LARP6: variants seen among roughly 807,000 people sequenced by gnomAD.
LARP6 encodes La ribonucleoprotein 6, translational regulator.
In LARP6, 18 loss-of-function variants were observed where a neutral mutation model predicts 32.8. The ratio of observed to expected loss-of-function variants is 0.55; its 90% CI spans 0.38 to 0.81. The LOEUF is 0.81. Ranked by LOEUF, LARP6 falls within the 40% of genes least tolerant of loss-of-function variation. The pLI is 0.00. For synonymous variants in LARP6, 289 were observed against 267.2 expected (o/e 1.08, Z -0.80); for missense variants, 598 against 663.1 (o/e 0.90, Z 1.08).
At chr15:70,834,081 CCT>C (rs2032104791) in intron 2 of LARP6, among the ~76,000 whole-genome samples, 1 of 152,120 alleles carries the variant, frequency 6.6e-6, no homozygotes, top group South Asian at 2.1e-4. Flanking sequence ...GCGAGATCCC[CCT>C]GAGTCCTCTG....
Position 70,832,594 on chromosome 15 carries a change from C to G in LARP6, c.934G>C (p.Ala312Pro), listed in dbSNP as rs972195070. ...AGGGACTTGTTCAGGTGGATGCTCG[C>G]AGTGGGCTCCTCGTCATGATTTTTG... is the stretch of plus-strand genomic sequence containing the variant. ...KDKNHDEEPT[A>P]SIHLNKSLNK... Residue 312 changes from alanine (A) to proline (P), a missense_variant, in exon 3 of 3, where the codon GCG (alanine) becomes CCG (proline). By Grantham distance (27) the Ala-to-Pro change is conservative (BLOSUM62 -1). Coordinates refer to ENST00000299213, the MANE Select transcript of LARP6 (RefSeq NM_018357.4). 35 of 1,597,360 alleles carry G rather than the reference C, an allele frequency of 2.2e-5. No homozygotes were observed. In the African/African-American group the frequency reaches 4.3e-4, roughly 20 times the overall value.
chr15:70,843,470 A>G (rs1482686186), intron 1 of LARP6, among the ~76,000 whole-genome samples: 1 of 152,204 alleles, frequency 6.6e-6, no homozygotes, highest in African/African-American at 2.4e-5. Context: ...TCATAGCTCT[A>G]TAAAATATGC....
chr15:70,832,677 T>C lies in LARP6; in HGVS notation c.851A>G (p.Glu284Gly). The stretch of plus-strand genomic sequence containing the variant: ...ACCAATCAGGACAGCTTTCATGTTC[T>C]CTTTGCCCTGAGATTCTGTGATCAT... ...EFMITESQGK[E>G]NMKAVLIGMK... Residue 284 changes from glutamate (E) to glycine (G), a missense_variant, in exon 3 of 3, where the codon GAG becomes GGG. Transcript: ENST00000299213. 1.2e-6 allele frequency: 2 copies of C among 1,607,674 alleles called. No homozygotes were observed. Among genetic ancestry groups the C allele is most frequent in the Non-Finnish European group, 1.7e-6 (2 of 1,178,204 alleles).
Position 70,840,851 on chromosome 15 carries a change from G to A in LARP6, c.201-4346C>T, listed in dbSNP as rs368007752. On this transcript the variant is annotated intron_variant, in intron 1 of 2. Coordinates refer to ENST00000299213, the MANE Select transcript of LARP6 (RefSeq NM_018357.4). Reference sequence around the variant, plus strand: ...TAGAGCAATAGATGCTATTACAAAAGGTAAACTCATAAACAAATAAAGCAT... The same window carrying A: ...TAGAGCAATAGATGCTATTACAAAAAGTAAACTCATAAACAAATAAAGCAT... 2.0e-4 allele frequency among the ~76,000 whole-genome samples: 30 copies of A among 151,592 alleles called. No individual in the cohort carries two copies. The East Asian group carries it at 3.3e-3, about 17-fold the overall frequency.
chr15:70,839,820 T>C (rs1427729740), intron 1 of LARP6, among the ~76,000 whole-genome samples: 2 of 152,338 alleles, frequency 1.3e-5, no homozygotes, highest in East Asian at 1.9e-4. Flanking sequence ...TGAAAATCTC[T>C]TGGCCCTGTC....
intron 1 of LARP6, among the ~76,000 whole-genome samples, chr15:70,845,159 T>C (rs2032323506): frequency 6.6e-6 from 1 of 152,176 alleles, no homozygotes; most frequent in African/African-American, 2.4e-5. Flanking sequence ...TACAATTAGT[T>C]CATTAGTTCA....
intron 1 of LARP6, 80 bp downstream of exon 1, chr15:70,853,809 G>C (rs1440024859): frequency 2.9e-6 from 3 of 1,047,240 alleles, no homozygotes; most frequent in Non-Finnish European, 3.6e-6. Context: ...AGGAGTTGTC[G>C]CGCGCAGTCA....
chr15:70,853,222 C>A (rs567273209), intron 1 of LARP6: 9 of 132,448 alleles, frequency 6.8e-5, no homozygotes, highest in Non-Finnish European at 9.7e-5. Flanking sequence ...ACACCCCCCC[C>A]CCGCCCCCCG....
chr15:70,831,985 G>GGT lies in LARP6; in HGVS notation c.*65_*66dup. 1 of 1,086,324 alleles carries GGT rather than the reference G, an allele frequency of 9.2e-7. No homozygotes were observed. The highest frequency in any genetic ancestry group is 2.5e-5 in the East Asian group (1 of 39,248). 67.3% of individuals were successfully genotyped at this position (1,086,324 alleles called of 1,614,324 possible). On this transcript the variant is annotated 3_prime_UTR_variant, in exon 3 of 3. Transcript: ENST00000299213. Reference sequence around the variant, plus strand: ...GAACGAATTCCATTCTGTCATGCCAGGTGTTTGTCAGAACCTTGAAAACGA... The same window carrying GGT: ...GAACGAATTCCATTCTGTCATGCCAGGTGTGTTTGTCAGAACCTTGAAAACGA...
At position 70,837,868 on chromosome 15, in the gene LARP6, G is replaced by A. The variant is rs1296904563; in HGVS notation, c.201-1363C>T. Among the ~76,000 whole-genome samples the A allele has an allele frequency of 2.0e-5, 3 of 152,198 alleles. No homozygotes were observed. The East Asian group carries it at 5.8e-4, about 29-fold the overall frequency. On this transcript the variant is annotated intron_variant, in intron 1 of 2. Coordinates refer to ENST00000299213, the MANE Select transcript of LARP6 (RefSeq NM_018357.4). ...AGACTGAGTATCCCTTATCCAAAAT[G>A]CCTGGGACCAGAAGTGTTTCAGATT...
chr15:70,852,118 T>C (rs564513144), intron 1 of LARP6: 1 of 350,412 alleles, frequency 2.9e-6, no homozygotes, highest in African/African-American at 2.1e-5. Context: ...CATCGGGTGA[T>C]GGCTGCTGCC....
At chr15:70,849,813 G>T (rs554006079) in intron 1 of LARP6, 1 of 152,150 alleles carries the variant, frequency 6.6e-6, no homozygotes, top group African/African-American at 2.4e-5. Flanking sequence ...TATTTAGTGT[G>T]ACTATTATAT....
chr15:70,839,915 G>T (rs76478559), intron 1 of LARP6, among the ~76,000 whole-genome samples: 15 of 152,352 alleles, frequency 9.8e-5, no homozygotes, highest in Non-Finnish European at 1.6e-4. Flanking sequence ...AAGGCCAAGA[G>T]AATTGGCTTG....
At chr15:70,847,441 C>T (rs1375105348) in intron 1 of LARP6, among the ~76,000 whole-genome samples, 1 of 151,852 alleles carries the variant, frequency 6.6e-6, no homozygotes. Context: ...ACTATCTTGG[C>T]TCACTGCAAC....
In LARP6 at chr15:70,837,916, A is replaced by C. The variant is rs537541772; in HGVS notation, c.201-1411T>G. Among the ~76,000 whole-genome samples the C allele has an allele frequency of 4.6e-5, 7 of 152,316 alleles. No individual in the cohort carries two copies. In the South Asian group the frequency reaches 1.5e-3, roughly 32 times the overall value. On this transcript the variant is annotated intron_variant, in intron 1 of 2. Transcript: ENST00000299213. Reference sequence around the variant, plus strand: ...ATTTCCAATTTTTCCAGATTTTGGAATATGTGCATATACGTAATGAGATAT... The same window carrying C: ...ATTTCCAATTTTTCCAGATTTTGGACTATGTGCATATACGTAATGAGATAT...
intron 1 of LARP6, among the ~76,000 whole-genome samples, chr15:70,839,838 C>A (rs1320735235): frequency 6.6e-6 from 1 of 152,208 alleles, no homozygotes; most frequent in South Asian, 2.1e-4. Context: ...GTCCCTTCCC[C>A]TTTTGTCTGC....
chr15:70,853,934 G>T lies in LARP6; in HGVS notation c.155C>A (p.Pro52His). Residue 52 changes from proline (P) to histidine (H), a missense_variant, in exon 1 of 3, where the codon CCC becomes CAC. By Grantham distance (77) the Pro-to-His change is moderately conservative. This residue lies in a region of LARP6 where 161 missense variants were observed against 148.6 expected (regional missense o/e 1.08). Coordinates refer to ENST00000299213, the MANE Select transcript of LARP6 (RefSeq NM_018357.4). ...CTCCTCGCTCGCGCTGCCCCAGCCGGGGCTGAGGTACCGGGCCGGGTCCCC... is the reference window on the plus strand; with the variant it reads ...CTCCTCGCTCGCGCTGCCCCAGCCGTGGCTGAGGTACCGGGCCGGGTCCCC... ...GAGDPARYLS[P>H]GWGSASEEEP... is the part of the protein sequence containing the mutation. 2 of 1,431,536 alleles carry T rather than the reference G, an allele frequency of 1.4e-6. No homozygotes were observed. The highest frequency in any genetic ancestry group is 2.8e-5 in the South Asian group (2 of 71,356). The allele number at this position is 1,431,536 out of a possible 1,614,324, so 88.7% of individuals were successfully genotyped here.
At chr15:70,848,920 A>G (rs2032396456) in intron 1 of LARP6, 1 of 152,250 alleles carries the variant, frequency 6.6e-6, no homozygotes, top group Non-Finnish European at 1.5e-5. Context: ...AATCATTTTT[A>G]CACATTGTAA....
chr15:70,833,825 A>C (rs2032099282), intron 2 of LARP6, among the ~76,000 whole-genome samples: 1 of 152,248 alleles, frequency 6.6e-6, no homozygotes, highest in South Asian at 2.1e-4. Flanking sequence ...TCTCCTGAGA[A>C]TGACATGGAC....
Sources: allele counts gnomAD v4.1 joint callset (sites outside exome capture counted in the v4.1 genomes callset), GRCh38; gene constraint gnomAD v4.1.1; regional missense constraint gnomAD v4.1.1; transcripts MANE v1.5; gene names NCBI Gene and HGNC (gene_info 2026-07-23, HGNC 2026-07-21).